Variants in DGKB observed in about 807,000 individuals in gnomAD.
The protein encoded by DGKB is diacylglycerol kinase beta.
In DGKB, 67 loss-of-function variants were observed where a neutral mutation model predicts 114.3. The ratio of observed to expected loss-of-function variants is 0.59; its 90% CI spans 0.48 to 0.72. The LOEUF (loss-of-function observed/expected upper bound fraction) is 0.72. Ranked by LOEUF, DGKB falls within the 30% of genes least tolerant of loss-of-function variation. DGKB has a pLI of 0.00. For missense variants in DGKB, 907 were observed against 975.2 expected (o/e 0.93, Z 0.93); for synonymous variants, 398 against 323.1 (o/e 1.23, Z -2.49).
At chr7:14,475,236 A>C (rs996855667) in intron 21 of DGKB, among the ~76,000 whole-genome samples, 1 of 152,184 alleles carries the variant, frequency 6.6e-6, no homozygotes, top group Admixed American at 6.5e-5. Flanking sequence ...GTACTTAAAA[A>C]AATCCATTTG....
At chr7:14,727,557 A>G (rs563092359) in intron 5 of DGKB, among the ~76,000 whole-genome samples, 203 of 152,330 alleles carry the variant, frequency 1.3e-3, no homozygotes, top group African/African-American at 4.7e-3. Flanking sequence ...TTTCATCTGT[A>G]TTCCTGGAGC....
intron 16 of DGKB, among the ~76,000 whole-genome samples, chr7:14,609,917 T>C (rs1805212113): frequency 1.3e-5 from 2 of 152,068 alleles, no homozygotes; most frequent in South Asian, 2.1e-4. Flanking sequence ...CTCTATGCTG[T>C]TGTTGTGAAT....
At chr7:14,784,400 C>T (rs1050941638) in intron 2 of DGKB, among the ~76,000 whole-genome samples, 1 of 144,870 alleles carries the variant, frequency 6.9e-6, no homozygotes, top group African/African-American at 2.6e-5. Flanking sequence ...TGGAGTCTCA[C>T]TCTGTAGCCC....
intron 8 of DGKB, among the ~76,000 whole-genome samples, chr7:14,695,881 T>C (rs1387445284): frequency 6.6e-6 from 1 of 152,110 alleles, no homozygotes; most frequent in Non-Finnish European, 1.5e-5. Context: ...TGAGAACTAC[T>C]GAAGCCTTAG....
intron 1 of DGKB, among the ~76,000 whole-genome samples, chr7:14,955,448 G>C (rs918049081): frequency 2.6e-5 from 4 of 151,804 alleles, no homozygotes; most frequent in African/African-American, 4.8e-5. Context: ...GCAAAACTTT[G>C]TCCTCAGAGC....
chr7:14,717,722 A>G (rs1317895543), intron 6 of DGKB, among the ~76,000 whole-genome samples: 1 of 152,122 alleles, frequency 6.6e-6, no homozygotes, highest in Non-Finnish European at 1.5e-5. Context: ...CTATCATTCT[A>G]GTAGCAAGCA....
At position 14,583,115 on chromosome 7, in the gene DGKB, G is replaced by C; in HGVS notation, c.1456C>G (p.Pro486Ala). The C allele has an allele frequency of 6.2e-7, 1 of 1,611,764 alleles. No individual in the cohort carries two copies. Among genetic ancestry groups the C allele is most frequent in the Non-Finnish European group, 8.5e-7 (1 of 1,178,882 alleles). The change falls in exon 18 of 26, where the codon CCT (proline) becomes GCT (alanine). Residue 486 changes from proline (P) to alanine (A), a missense_variant. Pro to Ala is a conservative substitution (Grantham distance 27). This residue lies in a region of DGKB where 814 missense variants were observed against 856.6 expected (regional missense o/e 0.95). Transcript: ENST00000402815. ...CCACAGGCTAACACTCTGAAGTCAGGAACATCACGGAAAAAGTTTAACCTG... is the reference window on the plus strand; with the variant it reads ...CCACAGGCTAACACTCTGAAGTCAGCAACATCACGGAAAAAGTTTAACCTG... ...MPGLNFFRDV[P>A]DFRVLACGGD...
intron 9 of DGKB, among the ~76,000 whole-genome samples, chr7:14,693,075 GAT>G (rs937105507): frequency 6.6e-6 from 1 of 152,064 alleles, no homozygotes; most frequent in Admixed American, 6.6e-5. Flanking sequence ...GAATAACTAT[GAT>G]ATAGTCTTGA....
intron 23 of DGKB, among the ~76,000 whole-genome samples, chr7:14,315,256 T>C (rs1303185261): frequency 1.1e-3 from 167 of 150,536 alleles, no homozygotes; most frequent in African/African-American, 3.9e-3. Context: ...AACATCATAA[T>C]GACAGCATCA....
chr7:14,929,125 G>T (rs1348671660), intron 1 of DGKB, among the ~76,000 whole-genome samples: 1 of 151,278 alleles, frequency 6.6e-6, no homozygotes, highest in Non-Finnish European at 1.5e-5. Flanking sequence ...TCTTTATACA[G>T]TCATCCATTG....
At chr7:14,556,939 C>T (rs977594490) in intron 20 of DGKB, among the ~76,000 whole-genome samples, 2 of 152,156 alleles carry the variant, frequency 1.3e-5, no homozygotes, top group African/African-American at 2.4e-5. Flanking sequence ...GGAATTGCCA[C>T]CAAGTTTAGT....
At chr7:14,765,904 T>C (rs964619410) in intron 2 of DGKB, among the ~76,000 whole-genome samples, 2 of 151,936 alleles carry the variant, frequency 1.3e-5, no homozygotes, top group African/African-American at 4.8e-5. Context: ...CCTACTGTAG[T>C]GTTTGCCAAT....
chr7:14,672,931 G>A lies in DGKB; in HGVS notation c.1132C>T (p.Leu378=). The A allele has an allele frequency of 6.5e-7, 1 of 1,549,596 alleles. No homozygotes were observed. Among genetic ancestry groups the A allele is most frequent in the Non-Finnish European group, 8.8e-7 (1 of 1,140,770 alleles). Reference sequence around the variant, plus strand: ...TAGAATGATAAGGAAAAACTCACCAGTACCACTGGACAGATTGTTGTGGGT... The same window carrying A: ...TAGAATGATAAGGAAAAACTCACCAATACCACTGGACAGATTGTTGTGGGT... ...LPPTTICPVV[L]TLPTSGVSVP... is the part of the protein sequence containing the mutation. Residue 378 remains leucine (L), a splice_region_variant and synonymous_variant, in exon 13 of 26, where the codon CTG becomes TTG. Transcript: ENST00000402815.
At chr7:14,207,085 C>G (rs1268697898) in intron 23 of DGKB, among the ~76,000 whole-genome samples, 2 of 151,876 alleles carry the variant, frequency 1.3e-5, no homozygotes, top group Non-Finnish European at 2.9e-5. Flanking sequence ...TTCTTGCTGC[C>G]CAACACTTTT....
At chr7:14,337,755 G>C (rs1294062525) in intron 23 of DGKB, among the ~76,000 whole-genome samples, 4 of 151,986 alleles carry the variant, frequency 2.6e-5, no homozygotes, top group Non-Finnish European at 5.9e-5. Context: ...AGTAGTATTA[G>C]GTAAATTCTA....
chr7:14,855,136 A>G (rs975308571), intron 1 of DGKB, among the ~76,000 whole-genome samples: 4 of 152,206 alleles, frequency 2.6e-5, no homozygotes, highest in Non-Finnish European at 4.4e-5. Flanking sequence ...AATATTTTAA[A>G]TTAGGTCTAT....
intron 17 of DGKB, among the ~76,000 whole-genome samples, chr7:14,591,435 T>C (rs1349237538): frequency 6.6e-6 from 1 of 152,128 alleles, no homozygotes; most frequent in Non-Finnish European, 1.5e-5. Flanking sequence ...TTTCCAATGT[T>C]GGCCTTTATA....
At chr7:14,561,053 C>T (rs1333109243) in intron 20 of DGKB, among the ~76,000 whole-genome samples, 1 of 152,146 alleles carries the variant, frequency 6.6e-6, no homozygotes, top group Non-Finnish European at 1.5e-5. Flanking sequence ...TACGGTATGG[C>T]TGTGTCCCCA....
chr7:14,769,559 A>G (rs1002040991), intron 2 of DGKB, among the ~76,000 whole-genome samples: 1 of 152,046 alleles, frequency 6.6e-6, no homozygotes, highest in African/African-American at 2.4e-5. Context: ...ATCAAACATA[A>G]AATCTGCCAA....
Sources: gnomAD v4.1 joint callset for allele counts (sites outside exome capture counted in the v4.1 genomes callset) on GRCh38, gnomAD v4.1.1 for gene constraint, gnomAD v4.1.1 regional missense constraint, MANE v1.5 for transcripts, NCBI Gene and HGNC (gene_info 2026-07-23, HGNC 2026-07-21) for gene names.